Variants in ELMO1 observed in about 807,000 individuals in gnomAD.
The protein encoded by ELMO1 is engulfment and cell motility protein 1.
A neutral mutation model predicts 98.9 loss-of-function variants in ELMO1; 26 were observed. The ratio of observed to expected loss-of-function variants is 0.26; its 90% CI spans 0.19 to 0.36. The LOEUF (loss-of-function observed/expected upper bound fraction) is 0.36. Among genes scored for constraint, ELMO1 ranks in the 10% least tolerant of loss-of-function variants. The probability of loss-of-function intolerance (pLI) is 1.00; values close to 1 mark genes in which losing one functional copy is unlikely to be tolerated. For synonymous variants in ELMO1, 346 were observed against 346.0 expected (o/e 1.00, Z 0.00); for missense variants, 627 against 935.2 (o/e 0.67, Z 4.30).
At chr7:37,211,592 CT>C (rs1240155873) in intron 12 of ELMO1, 75 bp from the exon 13 acceptor site, 1 of 1,547,568 alleles carries the variant, frequency 6.5e-7, no homozygotes, top group Non-Finnish European at 8.7e-7. Context: ...CATATACTCC[CT>C]CTTTCCCTGG....
chr7:37,427,239 C>G (rs1262767808), intron 1 of ELMO1, among the ~76,000 whole-genome samples: 3 of 152,220 alleles, frequency 2.0e-5, no homozygotes, highest in Non-Finnish European at 2.9e-5. Context: ...ACAGTGACAT[C>G]TCTGTGATGT....
chr7:36,870,105 T>G lies in ELMO1; in HGVS notation c.1905+288A>C, dbSNP rs1803383140. ...GAATGGACGGATGAGCAGAGCGGGC[T>G]CAAGAGAGGACAAAGTGACAATAGT... On this transcript the variant is annotated intron_variant, in intron 20 of 21. Coordinates refer to ENST00000310758, the MANE Select transcript of ELMO1 (RefSeq NM_014800.11). The surrounding 1 kb of genome is among the most constrained non-coding windows in gnomAD (Gnocchi z 4.4). Among the ~76,000 whole-genome samples the G allele has an allele frequency of 6.6e-6, 1 of 152,030 alleles. No homozygotes were observed. The highest frequency in any genetic ancestry group is 1.5e-5 in the Non-Finnish European group (1 of 68,008).
At chr7:37,375,023 C>T (rs1399517930) in intron 1 of ELMO1, among the ~76,000 whole-genome samples, 1 of 152,060 alleles carries the variant, frequency 6.6e-6, no homozygotes, top group Non-Finnish European at 1.5e-5. Flanking sequence ...CACACCACTG[C>T]ACTCCAGCCT....
At chr7:37,050,370 G>A (rs1460794346) in intron 15 of ELMO1, among the ~76,000 whole-genome samples, 1 of 152,118 alleles carries the variant, frequency 6.6e-6, no homozygotes, top group Admixed American at 6.5e-5. Flanking sequence ...AAAGTGCTGG[G>A]ATTATAGGCG....
At chr7:37,245,866 C>T (rs1794978851) in intron 6 of ELMO1, among the ~76,000 whole-genome samples, 1 of 152,094 alleles carries the variant, frequency 6.6e-6, no homozygotes, top group Admixed American at 6.6e-5. Context: ...TCCCACAGGC[C>T]ACATCAGGGA....
intron 4 of ELMO1, among the ~76,000 whole-genome samples, chr7:37,293,365 T>C (rs1797853104): frequency 9.4e-6 from 1 of 106,092 alleles, no homozygotes; most frequent in African/African-American, 2.9e-5. Flanking sequence ...TTCATTTTGT[T>C]CTGTACTAAG....
chr7:37,059,337 C>T (rs1796549560), intron 15 of ELMO1, among the ~76,000 whole-genome samples: 1 of 152,140 alleles, frequency 6.6e-6, no homozygotes, highest in Admixed American at 6.5e-5. Context: ...GGAATGCAAG[C>T]TTAGGGCCAA....
Position 36,902,919 on chromosome 7 carries a change from T to C in ELMO1, c.1438-7902A>G, listed in dbSNP as rs982229046. Among the ~76,000 whole-genome samples, 44 of 152,170 alleles carry C rather than the reference T, an allele frequency of 2.9e-4. 1 individual carries two copies. Among genetic ancestry groups the C allele is most frequent in the African/African-American group, 1.0e-3 (43 of 41,430 alleles). On this transcript the variant is annotated intron_variant, in intron 16 of 21. Transcript: ENST00000310758. ...ACCCTTGCCCTATTGCCTTTCCTGGTTTACCCAACAACCTTCTGACTTCAA... is the reference window on the plus strand; with the variant it reads ...ACCCTTGCCCTATTGCCTTTCCTGGCTTACCCAACAACCTTCTGACTTCAA...
chr7:37,426,951 C>A (rs891515229), intron 1 of ELMO1, among the ~76,000 whole-genome samples: 1 of 151,684 alleles, frequency 6.6e-6, no homozygotes, highest in Non-Finnish European at 1.5e-5. Context: ...TGCCATACAC[C>A]GAGAAACATT....
Position 37,101,704 on chromosome 7 carries a change from A to C in ELMO1, c.1192-4977T>G, listed in dbSNP as rs112487512. ...GCCTCAGTATCTTATCAGCAGGTGC[A>C]TTCCTGGATGTGCTTGGAGTCAGCT... On this transcript the variant is annotated intron_variant, in intron 14 of 21. Transcript: ENST00000310758. 2.2e-3 allele frequency among the ~76,000 whole-genome samples: 328 copies of C among 151,742 alleles called. 1 individual carries two copies. Among genetic ancestry groups the C allele is most frequent in the African/African-American group, 7.6e-3 (313 of 41,158 alleles).
chr7:37,299,311 T>C (rs1454540849), intron 4 of ELMO1, among the ~76,000 whole-genome samples: 2 of 151,910 alleles, frequency 1.3e-5, no homozygotes, highest in Non-Finnish European at 2.9e-5. Flanking sequence ...TTAGTTGCCA[T>C]TGCTTTTGGT....
At chr7:37,233,744 A>T (rs561673003) in intron 7 of ELMO1, among the ~76,000 whole-genome samples, 3 of 152,344 alleles carry the variant, frequency 2.0e-5, no homozygotes, top group Admixed American at 2.0e-4. Flanking sequence ...TGGTCTATAC[A>T]TCCCTCTGTG....
chr7:37,021,125 G>A (rs1002832726), intron 15 of ELMO1, among the ~76,000 whole-genome samples: 1 of 152,122 alleles, frequency 6.6e-6, no homozygotes, highest in Non-Finnish European at 1.5e-5. Context: ...TACTGCGTGG[G>A]GAGATGCTAA....
At chr7:37,392,220 G>A (rs777515530) in intron 1 of ELMO1, among the ~76,000 whole-genome samples, 30 of 152,288 alleles carry the variant, frequency 2.0e-4, no homozygotes, top group Middle Eastern at 3.4e-3. Context: ...GAGGGAAGTT[G>A]CTACTCTAGA....
intron 6 of ELMO1, among the ~76,000 whole-genome samples, chr7:37,248,194 A>ATGTGTGTG (rs3054282): frequency 7.1e-6 from 1 of 141,026 alleles, no homozygotes; most frequent in Non-Finnish European, 1.6e-5. Context: ...GGGATTTTAT[A>ATGTGTGTG]TGTGTGTGTG....
intron 16 of ELMO1, among the ~76,000 whole-genome samples, chr7:36,947,042 G>A (rs564922775): frequency 6.6e-6 from 1 of 152,248 alleles, no homozygotes; most frequent in Admixed American, 6.5e-5. Context: ...GCACAATGCT[G>A]AGGTTTGGAC....
intron 6 of ELMO1, 32 bp downstream of exon 6, chr7:37,259,149 C>A: frequency 6.3e-7 from 1 of 1,588,638 alleles, no homozygotes; most frequent in Non-Finnish European, 8.6e-7. Flanking sequence ...ACACGCAGGA[C>A]AGCTGTGGAA....
chr7:37,079,500 G>A (rs549634869), intron 15 of ELMO1, among the ~76,000 whole-genome samples: 39 of 152,156 alleles, frequency 2.6e-4, no homozygotes, highest in African/African-American at 9.2e-4. Flanking sequence ...AGCCATCAGT[G>A]GCCCACACTG....
chr7:37,092,366 CT>C (rs537388417), intron 15 of ELMO1, among the ~76,000 whole-genome samples: 257 of 68,880 alleles, frequency 3.7e-3, no homozygotes, highest in African/African-American at 7.6e-3. Flanking sequence ...TACCCATATT[CT>C]TTTTTTTTTT....
Sources: gnomAD v4.1 joint callset for allele counts (sites outside exome capture counted in the v4.1 genomes callset) on GRCh38, gnomAD v4.1.1 for gene constraint, Gnocchi (gnomAD v3.1) non-coding constraint, MANE v1.5 for transcripts, NCBI Gene and HGNC (gene_info 2026-07-23, HGNC 2026-07-21) for gene names.